PXDN: variants seen among roughly 807,000 people sequenced by gnomAD.
PXDN encodes the protein peroxidasin homolog.
A neutral mutation model predicts 140.3 loss-of-function variants in PXDN; 77 were observed. That is an observed-to-expected ratio of 0.55 (90% confidence interval 0.46 to 0.66). The LOEUF (loss-of-function observed/expected upper bound fraction) is 0.66. PXDN is among the 30% of genes least tolerant of loss of function. The pLI is 0.00. For missense variants in PXDN, 1,838 were observed against 2,039.5 expected, an observed-to-expected ratio of 0.90 and a Z score of 1.90; for synonymous variants, 911 against 857.4, an observed-to-expected ratio of 1.06 and a Z score of -1.09.
intron 1 of PXDN, among the ~76,000 whole-genome samples, chr2:1,708,512 C>G (rs1684674528): frequency 6.6e-6 from 1 of 152,144 alleles, no homozygotes; most frequent in Non-Finnish European, 1.5e-5. Context: ...CCAAGTGATT[C>G]TCAATCCTCC....
chr2:1,661,859 G>A (rs1257013651), intron 13 of PXDN, among the ~76,000 whole-genome samples: 1 of 152,166 alleles, frequency 6.6e-6, no homozygotes, highest in Non-Finnish European at 1.5e-5. Context: ...TTACCTCAAG[G>A]CTTAAGATCT....
In PXDN at chr2:1,656,285, C is replaced by T. The variant is rs571232320; in HGVS notation, c.1838-1777G>A. On this transcript the variant is annotated intron_variant, in intron 14 of 22. Transcript: ENST00000252804. ...TCCCTAGTTGATACTTTACCAAATACTATAAACTAATTCCAACCAACTTTT... is the reference window on the plus strand; with the variant it reads ...TCCCTAGTTGATACTTTACCAAATATTATAAACTAATTCCAACCAACTTTT... Among the ~76,000 whole-genome samples the T allele has an allele frequency of 5.3e-5, 8 of 152,318 alleles. No individual in the cohort carries two copies. The East Asian group carries it at 1.2e-3, about 22-fold the overall frequency.
At chr2:1,656,575 A>T (rs1683138559) in intron 14 of PXDN, among the ~76,000 whole-genome samples, 1 of 150,160 alleles carries the variant, frequency 6.7e-6, no homozygotes. Flanking sequence ...CCTGACAGGG[A>T]CCTGTCCCCT....
chr2:1,702,685 C>G (rs1684464286), intron 1 of PXDN, among the ~76,000 whole-genome samples: 1 of 151,854 alleles, frequency 6.6e-6, no homozygotes, highest in Admixed American at 6.6e-5. Flanking sequence ...CTGGAGTGCA[C>G]TGGCGTGATC....
chr2:1,741,495 A>T (rs1685543932), intron 1 of PXDN, among the ~76,000 whole-genome samples: 1 of 152,172 alleles, frequency 6.6e-6, no homozygotes, highest in South Asian at 2.1e-4. Flanking sequence ...AGGTCGATCC[A>T]AACTGAGTCA....
chr2:1,635,315 C>A, intron 22 of PXDN, 93 bp downstream of exon 22: 4 of 1,082,504 alleles, frequency 3.7e-6, no homozygotes, highest in Non-Finnish European at 5.5e-6. Flanking sequence ...AGGGGCCTGG[C>A]CCTGACATCT....
Position 1,648,376 on chromosome 2 carries a change from A to C in PXDN, c.3404T>G (p.Leu1135Arg). 1 of 1,613,252 alleles carries C rather than the reference A, an allele frequency of 6.2e-7. No homozygotes were observed. The highest frequency in any genetic ancestry group is 8.5e-7 in the Non-Finnish European group (1 of 1,179,880). Reference protein sequence around the residue: ...AGKMRVPSQLLNTELTERLFS... With the variant: ...AGKMRVPSQLRNTELTERLFS... ...CAGCCGCTCCGTGAGCTCCGTGTTC[A>C]GCAGCTGCGAGGGCACACGCATTTT... The change falls in exon 17 of 23, where the codon CTG (leucine) becomes CGG (arginine). Residue 1135 changes from leucine (L) to arginine (R), a missense_variant. Coordinates refer to ENST00000252804, the MANE Select transcript of PXDN (RefSeq NM_012293.3). This position sits in a 1 kb window ranked among gnomAD's most constrained non-coding sequence, Gnocchi z 8.9.
At chr2:1,715,915 G>T (rs1045664568) in intron 1 of PXDN, among the ~76,000 whole-genome samples, 1 of 152,226 alleles carries the variant, frequency 6.6e-6, no homozygotes, top group Non-Finnish European at 1.5e-5. Context: ...GCTGCCCAAT[G>T]TGTGCGTATG....
At chr2:1,737,424 G>C (rs920978002) in intron 1 of PXDN, among the ~76,000 whole-genome samples, 1 of 152,152 alleles carries the variant, frequency 6.6e-6, no homozygotes, top group Non-Finnish European at 1.5e-5. Flanking sequence ...GTTTTTGTCA[G>C]CTTCAGTTTA....
At chr2:1,672,341 T>C (rs1372191999) in intron 9 of PXDN, 1 of 152,250 alleles carries the variant, frequency 6.6e-6, no homozygotes, top group African/African-American at 2.4e-5. Flanking sequence ...CCTATGAACA[T>C]AGTAACTCTC....
At position 1,696,764 on chromosome 2, in the gene PXDN, A is replaced by G. The variant is rs143219450; in HGVS notation, c.201-3630T>C. 8.2e-4 allele frequency among the ~76,000 whole-genome samples: 125 copies of G among 152,308 alleles called. 2 individuals are homozygous for G. In the Middle Eastern group the frequency reaches 0.014, roughly 17 times the overall value. Reference sequence around the variant, plus strand: ...GGATGGGCTGACTTACAACACAGCTACATCTGCACACGTGTTACTGGAGGG... The same window carrying G: ...GGATGGGCTGACTTACAACACAGCTGCATCTGCACACGTGTTACTGGAGGG... On this transcript the variant is annotated intron_variant, in intron 1 of 22. Transcript: ENST00000252804.
Position 1,649,587 on chromosome 2 carries a change from G to T in PXDN, c.2193C>A (p.Asn731Lys). ...TCTGGTGGAAGCACATGTCCGAGCA[G>T]TTGTTCACGCGCCGGTGGGCGGTAC... ...SGCTAHRRVN[N>K]CSDMCFHQKY... is the part of the protein sequence containing the mutation. Residue 731 changes from asparagine (N) to lysine (K), a missense_variant, in exon 17 of 23, where the codon AAC (asparagine) becomes AAA (lysine). This residue lies in a region of PXDN where 537 missense variants were observed against 583.9 expected (regional missense o/e 0.92). Transcript: ENST00000252804. The surrounding 1 kb of genome is among the most constrained non-coding windows in gnomAD (Gnocchi z 7.1). The T allele has an allele frequency of 6.2e-7, 1 of 1,614,052 alleles. No homozygotes were observed. The highest frequency in any genetic ancestry group is 8.5e-7 in the Non-Finnish European group (1 of 1,179,898).
intron 3 of PXDN, among the ~76,000 whole-genome samples, chr2:1,689,648 G>A (rs938284466): frequency 4.6e-5 from 7 of 152,170 alleles, no homozygotes; most frequent in African/African-American, 1.4e-4. Flanking sequence ...GCCAGGCATC[G>A]TGGTGCACGC....
chr2:1,674,995 G>A (rs576025286), intron 8 of PXDN, among the ~76,000 whole-genome samples: 12 of 152,262 alleles, frequency 7.9e-5, no homozygotes, highest in East Asian at 1.9e-4. Flanking sequence ...CAGCCAAACC[G>A]TCGGGAACAC....
intron 1 of PXDN, among the ~76,000 whole-genome samples, chr2:1,734,424 T>G (rs1685384590): frequency 6.6e-6 from 1 of 152,216 alleles, no homozygotes; most frequent in South Asian, 2.1e-4. Flanking sequence ...GGGTGGTGGC[T>G]GCTGAAGGCT....
At chr2:1,663,845 A>T (rs1397262851) in intron 11 of PXDN, 82 bp from the exon 12 acceptor site, 1 of 1,538,524 alleles carries the variant, frequency 6.5e-7, no homozygotes, top group Non-Finnish European at 8.8e-7. Flanking sequence ...TGACCACAGA[A>T]GCTTGTCTCC....
chr2:1,643,491 T>C lies in PXDN; in HGVS notation c.3829A>G (p.Asn1277Asp), dbSNP rs201392512. 60 of 1,613,874 alleles carry C rather than the reference T, an allele frequency of 3.7e-5. No homozygotes were observed. The Middle Eastern group carries it at 6.6e-4, about 18-fold the overall frequency. ...TGCACCCGGGTGATGTTGTCCGCGT[T>C]GTCGCATAGGATCCTGGCCAGCGAC... is the stretch of plus-strand genomic sequence containing the variant. ...QTSLARILCD[N>D]ADNITRVQSD... Residue 1277 changes from asparagine to aspartate, a missense_variant, in exon 19 of 23, where the codon AAC becomes GAC. This residue lies in a region of PXDN where 850 missense variants were observed against 894.1 expected (regional missense o/e 0.95). Transcript: ENST00000252804.
At chr2:1,635,230 T>C (rs1334401603) in intron 22 of PXDN, among the ~76,000 whole-genome samples, 178 bp downstream of exon 22, 1 of 152,154 alleles carries the variant, frequency 6.6e-6, no homozygotes, top group Non-Finnish European at 1.5e-5. Context: ...ACGTCCTCTG[T>C]GCACAGAGAG....
intron 1 of PXDN, among the ~76,000 whole-genome samples, chr2:1,712,046 G>C (rs1447515193): frequency 6.6e-6 from 1 of 151,582 alleles, no homozygotes; most frequent in Admixed American, 6.6e-5. Context: ...TGAAAATGTT[G>C]AGGAATATAT....
Sources: allele counts gnomAD v4.1 joint callset (sites outside exome capture counted in the v4.1 genomes callset), GRCh38; gene constraint gnomAD v4.1.1; regional missense constraint gnomAD v4.1.1; non-coding constraint Gnocchi (gnomAD v3.1); transcripts MANE v1.5; gene names NCBI Gene and HGNC (gene_info 2026-07-23, HGNC 2026-07-21).